Variants in XPO6 observed in about 807,000 individuals in gnomAD.
XPO6 encodes exportin-6.
A neutral mutation model predicts 130.0 loss-of-function variants in XPO6; 3 were observed. The ratio of observed to expected loss-of-function variants is 0.02; its 90% CI spans 0.01 to 0.06. XPO6 has a LOEUF of 0.06. Among genes scored for constraint, XPO6 ranks in the 10% least tolerant of loss-of-function variants. XPO6 has a pLI of 1.00. For missense variants in XPO6, 970 were observed against 1,393.0 expected, an observed-to-expected ratio of 0.70 and a Z score of 4.83; for synonymous variants, 524 against 548.9, an observed-to-expected ratio of 0.95 and a Z score of 0.63.
intron 1 of XPO6, among the ~76,000 whole-genome samples, chr16:28,196,298 T>A (rs561528626): frequency 6.6e-6 from 1 of 152,344 alleles, no homozygotes; most frequent in South Asian, 2.1e-4. Flanking sequence ...GTCATCTTTT[T>A]ATGCATTCGG....
rs1402583639 is a variant in XPO6, at chr16:28,166,588, A to T, written c.566-3T>A. ...GTCCCAGACAGTCTCCAAGATACCTACCAAGAAAGGAGAAACAGAGTTATA... is the reference window on the plus strand; with the variant it reads ...GTCCCAGACAGTCTCCAAGATACCTTCCAAGAAAGGAGAAACAGAGTTATA... On this transcript the variant is annotated splice_polypyrimidine_tract_variant and splice_region_variant and intron_variant, in intron 5 of 23. Coordinates refer to ENST00000304658, the MANE Select transcript of XPO6 (RefSeq NM_015171.4). The T allele has an allele frequency of 3.2e-6, 5 of 1,579,652 alleles. 1 individual carries two copies. Among genetic ancestry groups the T allele is most frequent in the Non-Finnish European group, 1.7e-6 (2 of 1,160,874 alleles).
At chr16:28,146,420 G>C in intron 8 of XPO6, 1 of 490,162 alleles carries the variant, frequency 2.0e-6, no homozygotes, top group Non-Finnish European at 3.7e-6. Context: ...CATCATGAGG[G>C]AGATACTGTG....
At chr16:28,200,101 G>A (rs1262496750) in intron 1 of XPO6, among the ~76,000 whole-genome samples, 1 of 151,700 alleles carries the variant, frequency 6.6e-6, no homozygotes, top group African/African-American at 2.4e-5. Flanking sequence ...GTTGCAGTGA[G>A]CCAAGATCAC....
intron 1 of XPO6, among the ~76,000 whole-genome samples, chr16:28,205,796 G>A (rs1438335899): frequency 2.6e-5 from 4 of 152,058 alleles, no homozygotes; most frequent in African/African-American, 7.2e-5. Context: ...CCAGCACTTC[G>A]GGAGGCCCAG....
At position 28,153,235 on chromosome 16, in the gene XPO6, A is replaced by C. The variant is rs1426679545; in HGVS notation, c.1098-450T>G. 4 of 994,112 alleles carry C rather than the reference A, an allele frequency of 4.0e-6. No homozygotes were observed. In the African/African-American group the frequency reaches 5.2e-5, roughly 13 times the overall value. The allele number at this position is 994,112 out of a possible 1,614,324, so 61.6% of individuals were successfully genotyped here. On this transcript the variant is annotated intron_variant, in intron 7 of 23. Transcript: ENST00000304658. ...GCTACGAAGGGCATGGCATCCAGGTAAGATGTACTCAGGCTTGCAACTTAA... is the reference window on the plus strand; with the variant it reads ...GCTACGAAGGGCATGGCATCCAGGTCAGATGTACTCAGGCTTGCAACTTAA...
intron 1 of XPO6, among the ~76,000 whole-genome samples, chr16:28,201,486 G>A (rs2043951806): frequency 6.6e-6 from 1 of 152,182 alleles, no homozygotes; most frequent in Non-Finnish European, 1.5e-5. Context: ...GGAGTGGGAA[G>A]GAGGAGGAGT....
chr16:28,110,730 C>A (rs2086898266), intron 17 of XPO6, among the ~76,000 whole-genome samples: 1 of 152,206 alleles, frequency 6.6e-6, no homozygotes, highest in Non-Finnish European at 1.5e-5. Flanking sequence ...AATCAAGATC[C>A]TAACAGTACC....
chr16:28,211,812 GGGGAGA>G lies in XPO6; in HGVS notation c.-450_-445del. On this transcript the variant is annotated 5_prime_UTR_variant, in exon 1 of 24. Coordinates refer to ENST00000304658, the MANE Select transcript of XPO6 (RefSeq NM_015171.4). ...CCGCGCGGCCCAGGCGGCCGGCTCAGGGGAGAGGCCCGGGGGCCCGCGCTGTCCTCG... is the reference window on the plus strand; with the variant it reads ...CCGCGCGGCCCAGGCGGCCGGCTCAGGGCCCGGGGGCCCGCGCTGTCCTCG... The G allele has an allele frequency of 4.2e-6, 1 of 235,310 alleles. No individual in the cohort carries two copies. Among genetic ancestry groups the G allele is most frequent in the Non-Finnish European group, 8.1e-6 (1 of 122,940 alleles). 14.6% of individuals were successfully genotyped at this position (235,310 alleles called of 1,614,324 possible). A position where few individuals can be genotyped will look rare whatever the true frequency, so the allele number is the denominator to read the frequency against.
chr16:28,156,399 T>C lies in XPO6; in HGVS notation c.772A>G (p.Ser258Gly), dbSNP rs776396942. The change falls in exon 7 of 24, where the codon AGT (serine) becomes GGT (glycine). Residue 258 changes from serine to glycine, a missense_variant. Around this residue, in one of 4 missense-constraint regions of XPO6, gnomAD observed 936 missense variants for 1,306.8 expected, o/e 0.72. Transcript: ENST00000304658. ...LALECLAHLF[S>G]WIPLSASITP... is the part of the protein sequence containing the mutation. ...ATGCTGGCAGACAGAGGAATCCAAC[T>C]GAAGAGATGGGCCAGGCACTCCAAA... The C allele has an allele frequency of 3.7e-6, 6 of 1,613,962 alleles. No individual in the cohort carries two copies. The highest frequency in any genetic ancestry group is 4.2e-6 in the Non-Finnish European group (5 of 1,179,998).
intron 1 of XPO6, among the ~76,000 whole-genome samples, chr16:28,197,898 AAC>A (rs1480699565): frequency 7.0e-6 from 1 of 143,440 alleles, no homozygotes; most frequent in Non-Finnish European, 1.5e-5. Flanking sequence ...CAGCCTGAGC[AAC>A]ACAGAGAGAC....
chr16:28,102,083 G>C (rs1160423316), intron 21 of XPO6, 138 bp from the exon 22 acceptor site: 2 of 642,860 alleles, frequency 3.1e-6, no homozygotes, highest in Non-Finnish European at 5.4e-6. Flanking sequence ...AGACCTCTAC[G>C]ACGCTCCTCC....
chr16:28,151,179 T>TAA lies in XPO6; in HGVS notation c.1224+1478_1224+1479dup, dbSNP rs57769506. On this transcript the variant is annotated intron_variant, in intron 8 of 23. Transcript: ENST00000304658. ...CACATTAAGCTACAACACTAGTGGT[T>TAA]AAAAAAAAAAAAAAAAAAAGGCTAC... Among the ~76,000 whole-genome samples, 62 of 106,768 alleles carry TAA rather than the reference T, an allele frequency of 5.8e-4. 13 individuals are homozygous for TAA. The highest frequency in any genetic ancestry group is 6.5e-3 in the Middle Eastern group (1 of 154). The allele number at this position is 106,768 out of a possible 152,430, so 70.0% of individuals were successfully genotyped here.
At chr16:28,117,166 A>G (rs2087086498) in intron 15 of XPO6, 152 bp downstream of exon 15, 1 of 1,065,138 alleles carries the variant, frequency 9.4e-7, no homozygotes, top group African/African-American at 1.6e-5. Flanking sequence ...GGCTACAACT[A>G]AAAAGGAACA....
intron 16 of XPO6, among the ~76,000 whole-genome samples, chr16:28,112,547 C>A (rs529874603): frequency 6.6e-6 from 1 of 152,354 alleles, no homozygotes; most frequent in East Asian, 1.9e-4. Flanking sequence ...CACTTCTCAA[C>A]CCCAAAGAAC....
chr16:28,188,558 G>A (rs3922800), intron 1 of XPO6, among the ~76,000 whole-genome samples: 5 of 151,106 alleles, frequency 3.3e-5, no homozygotes, highest in African/African-American at 4.9e-5. Context: ...CAACACATGC[G>A]ATTAGCAAAG....
chr16:28,201,778 C>G (rs989710888), intron 1 of XPO6, among the ~76,000 whole-genome samples: 3 of 152,104 alleles, frequency 2.0e-5, no homozygotes, highest in African/African-American at 7.2e-5. Flanking sequence ...ATGCTTGAAC[C>G]CAGGAGGCGG....
intron 8 of XPO6, among the ~76,000 whole-genome samples, chr16:28,148,171 T>A (rs2043018687): frequency 6.6e-6 from 1 of 152,196 alleles, no homozygotes; most frequent in Non-Finnish European, 1.5e-5. Flanking sequence ...TAAATCCAAG[T>A]ATTATGGCTC....
Position 28,156,328 on chromosome 16 carries a change from G to A in XPO6, c.843C>T (p.Gly281=), listed in dbSNP as rs757405019. 5 of 1,614,074 alleles carry A rather than the reference G, an allele frequency of 3.1e-6. No individual in the cohort carries two copies. In the South Asian group the frequency reaches 5.5e-5, roughly 18 times the overall value. ...CCATCTTTCTGGCCCGGATGTCACA[G>A]CCAAATCGTGCAAAGTGGAAGATGG... is the stretch of plus-strand genomic sequence containing the variant. The part of the protein sequence containing the change: ...LTTIFHFARF[G]CDIRARKMAS... The change falls in exon 7 of 24, where the codon GGC becomes GGT. Residue 281 remains glycine (G), a synonymous_variant. Transcript: ENST00000304658.
chr16:28,190,804 T>C (rs1035936058), intron 1 of XPO6, among the ~76,000 whole-genome samples: 8 of 151,956 alleles, frequency 5.3e-5, no homozygotes, highest in African/African-American at 9.7e-5. Context: ...AAAGGCAACT[T>C]ACTCTAAAAT....
Sources: gnomAD v4.1 joint callset for allele counts (sites outside exome capture counted in the v4.1 genomes callset) on GRCh38, gnomAD v4.1.1 for gene constraint, gnomAD v4.1.1 regional missense constraint, MANE v1.5 for transcripts, NCBI Gene and HGNC (gene_info 2026-07-23, HGNC 2026-07-21) for gene names.